Variants in CENPU observed in about 807,000 individuals in gnomAD.
CENPU encodes centromere protein U.
A neutral mutation model predicts 56.7 loss-of-function variants in CENPU; 46 were observed. The observed-to-expected ratio is 0.81, with a 90% CI of 0.64 to 1.04. The LOEUF is 1.04. Ranked by LOEUF, CENPU falls within the 50% of genes least tolerant of loss-of-function variation. CENPU has a pLI of 0.00. For missense variants in CENPU, 510 were observed against 490.1 expected (o/e 1.04, Z -0.38); for synonymous variants, 166 against 163.0 (o/e 1.02, Z -0.14).
chr4:184,715,921 T>A (rs1296300650), intron 6 of CENPU, among the ~76,000 whole-genome samples: 3 of 145,930 alleles, frequency 2.1e-5, no homozygotes, highest in Non-Finnish European at 4.5e-5. Context: ...TTTCCATACC[T>A]TCTAGCTTTT....
Position 184,694,817 on chromosome 4 carries a change from TTTGCC to T in CENPU, c.*466_*470del. 2.6e-6 allele frequency: 4 copies of T among 1,538,370 alleles called. No homozygotes were observed. The highest frequency in any genetic ancestry group is 3.6e-6 in the Non-Finnish European group (4 of 1,117,320). On this transcript the variant is annotated 3_prime_UTR_variant, in exon 13 of 13. Coordinates refer to ENST00000281453, the MANE Select transcript of CENPU (RefSeq NM_024629.4). ...GAACACTTTTGTCACCAGGCTATAA[TTTGCC>T]TGATGTCTGTGAGATTTGATAAATA...
chr4:184,732,248 TA>T (rs11393807), intron 1 of CENPU, among the ~76,000 whole-genome samples: 8 of 148,716 alleles, frequency 5.4e-5, no homozygotes, highest in African/African-American at 9.8e-5. Context: ...GAATCACAGT[TA>T]AAAAAAAAAA....
chr4:184,723,449 T>C (rs1761344607), intron 4 of CENPU, among the ~76,000 whole-genome samples: 1 of 152,194 alleles, frequency 6.6e-6, no homozygotes, highest in Admixed American at 6.5e-5. Flanking sequence ...GTGAAGGTGT[T>C]ACCTACTCAA....
intron 8 of CENPU, 23 bp from the exon 9 acceptor site, chr4:184,702,464 T>G: frequency 5.8e-6 from 9 of 1,557,038 alleles, no homozygotes; most frequent in Non-Finnish European, 7.9e-6. Flanking sequence ...TAAAAAAAAG[T>G]CTAAGTACCA....
At position 184,694,520 on chromosome 4, in the gene CENPU, A is replaced by C. The variant is rs1175567666; in HGVS notation, c.*768T>G. 6.2e-7 allele frequency: 1 copy of C among 1,607,532 alleles called. No homozygotes were observed. The highest frequency in any genetic ancestry group is 1.3e-5 in the African/African-American group (1 of 74,146). ...CTCTATCCCTTCACCACTGAAATAA[A>C]GGAAGAAGAGTTTACAACAGATGAA... On this transcript the variant is annotated 3_prime_UTR_variant, in exon 13 of 13. Coordinates refer to ENST00000281453, the MANE Select transcript of CENPU (RefSeq NM_024629.4).
intron 12 of CENPU, 84 bp downstream of exon 12, chr4:184,697,563 C>T (rs1760381379): frequency 3.8e-6 from 5 of 1,317,674 alleles, no homozygotes; most frequent in Non-Finnish European, 5.3e-6. Context: ...ATTTGTCTTT[C>T]CCCAAAGCTT....
intron 7 of CENPU, among the ~76,000 whole-genome samples, chr4:184,711,225 T>C (rs570259570): frequency 7.9e-5 from 12 of 152,192 alleles, no homozygotes; most frequent in Admixed American, 2.0e-4. Flanking sequence ...TAATTCCTTC[T>C]TTAATATCTC....
At chr4:184,727,132 A>C (rs898242623) in intron 3 of CENPU, among the ~76,000 whole-genome samples, 7 of 151,990 alleles carry the variant, frequency 4.6e-5, no homozygotes, top group Non-Finnish European at 8.8e-5. Context: ...AAAAAAAAAA[A>C]AATTTCTGAC....
At chr4:184,730,855 T>TA in intron 2 of CENPU, 65 bp downstream of exon 2, 1 of 1,281,074 alleles carries the variant, frequency 7.8e-7, no homozygotes, top group Non-Finnish European at 1.1e-6. Context: ...AAAACTGAGG[T>TA]ACCCAAAAAA....
chr4:184,724,247 C>A (rs1579792442), intron 4 of CENPU, among the ~76,000 whole-genome samples: 1 of 152,050 alleles, frequency 6.6e-6, no homozygotes, highest in African/African-American at 2.4e-5. Flanking sequence ...GCGTGGGCAA[C>A]AGAGCAAGAC....
intron 8 of CENPU, among the ~76,000 whole-genome samples, chr4:184,708,765 A>C (rs1760817718): frequency 6.6e-6 from 1 of 152,212 alleles, no homozygotes; most frequent in African/African-American, 2.4e-5. Flanking sequence ...TTGCAACATA[A>C]AGAGTCACAC....
intron 12 of CENPU, among the ~76,000 whole-genome samples, chr4:184,695,943 T>C (rs890282694): frequency 1.3e-5 from 2 of 152,184 alleles, no homozygotes; most frequent in Admixed American, 6.5e-5. Flanking sequence ...AATCCAAATG[T>C]TCTTAATGAT....
chr4:184,707,706 T>C (rs758476072), intron 8 of CENPU, among the ~76,000 whole-genome samples: 100 of 152,144 alleles, frequency 6.6e-4, no homozygotes, highest in Non-Finnish European at 1.1e-3. Context: ...CTATACATAC[T>C]GTCTGACAGA....
chr4:184,724,002 C>T (rs950248318), intron 4 of CENPU, among the ~76,000 whole-genome samples: 4 of 151,980 alleles, frequency 2.6e-5, no homozygotes, highest in Non-Finnish European at 5.9e-5. Flanking sequence ...CAGTGGCTGA[C>T]GCCTGTAATC....
chr4:184,696,083 G>T (rs1347070963), intron 12 of CENPU, among the ~76,000 whole-genome samples: 2 of 152,120 alleles, frequency 1.3e-5, no homozygotes, highest in African/African-American at 4.8e-5. Flanking sequence ...TCCTCTTACA[G>T]AATTTTGTCA....
chr4:184,733,970 C>T (rs1337982227), intron 1 of CENPU, 46 bp downstream of exon 1: 1 of 1,610,906 alleles, frequency 6.2e-7, no homozygotes, highest in Admixed American at 1.7e-5. Flanking sequence ...GGAAGCAGTT[C>T]AAGCTGGTCT....
rs559484150 is a variant in CENPU, at chr4:184,734,081, C to A, written c.-19G>T. On this transcript the variant is annotated 5_prime_UTR_variant, in exon 1 of 13. Coordinates refer to ENST00000281453, the MANE Select transcript of CENPU (RefSeq NM_024629.4). ...GGGCCATGGTGCCGCTCTCCGCTCT[C>A]GAGCGACTGGAAGCTCCCGCCAAGC... 6 of 1,545,442 alleles carry A rather than the reference C, an allele frequency of 3.9e-6. No individual in the cohort carries two copies. Among genetic ancestry groups the A allele is most frequent in the Non-Finnish European group, 5.2e-6 (6 of 1,147,094 alleles).
intron 7 of CENPU, among the ~76,000 whole-genome samples, chr4:184,711,193 T>C (rs1259500419): frequency 3.3e-5 from 5 of 152,174 alleles, no homozygotes; most frequent in South Asian, 2.1e-4. Flanking sequence ...ATTGGCAGGA[T>C]AGTCTACTCT....
chr4:184,727,375 C>T (rs1020341303), intron 3 of CENPU, among the ~76,000 whole-genome samples: 3 of 152,034 alleles, frequency 2.0e-5, no homozygotes, highest in Non-Finnish European at 4.4e-5. Flanking sequence ...TGCACAACAA[C>T]GTGAATGTAT....
Sources: gnomAD v4.1 joint callset for allele counts (sites outside exome capture counted in the v4.1 genomes callset) on GRCh38, gnomAD v4.1.1 for gene constraint, MANE v1.5 for transcripts, NCBI Gene and HGNC (gene_info 2026-07-23, HGNC 2026-07-21) for gene names.